The following FRMD4A variants were observed in gnomAD, a reference collection of about 807,000 sequenced individuals.
The protein encoded by FRMD4A is FERM domain-containing protein 4A.
A neutral mutation model predicts 129.1 loss-of-function variants in FRMD4A; 29 were observed. The ratio of observed to expected loss-of-function variants is 0.22; its 90% CI spans 0.17 to 0.31. The LOEUF is 0.31. FRMD4A is among the 10% of genes least tolerant of loss of function. FRMD4A has a pLI of 1.00. For synonymous variants in FRMD4A, 634 were observed against 571.6 expected (o/e 1.11, Z -1.56); for missense variants, 1,272 against 1,375.8 (o/e 0.92, Z 1.19).
intron 2 of FRMD4A, among the ~76,000 whole-genome samples, chr10:14,015,469 C>G (rs903710853): frequency 6.6e-6 from 1 of 151,132 alleles, no homozygotes; most frequent in Non-Finnish European, 1.5e-5. Context: ...GCAGTCTAGG[C>G]TTCATTTAAT....
At chr10:14,091,372 G>GT (rs1371228301) in intron 2 of FRMD4A, among the ~76,000 whole-genome samples, 8 of 151,836 alleles carry the variant, frequency 5.3e-5, no homozygotes, top group African/African-American at 1.7e-4. Context: ...GTGTATAAAG[G>GT]TTTTTTTTAA....
At chr10:13,762,098 G>A (rs2092097401) in intron 7 of FRMD4A, among the ~76,000 whole-genome samples, 1 of 152,184 alleles carries the variant, frequency 6.6e-6, no homozygotes, top group Admixed American at 6.5e-5. Flanking sequence ...AGTGAATCCA[G>A]TATAATGCCC....
intron 2 of FRMD4A, among the ~76,000 whole-genome samples, chr10:13,992,918 A>C (rs1290150605): frequency 7.8e-6 from 1 of 127,914 alleles, no homozygotes; most frequent in African/African-American, 2.9e-5. Flanking sequence ...GTGCCATTGC[A>C]CTCCAGCCTG....
At chr10:14,317,035 A>G (rs1222596609) in intron 2 of FRMD4A, among the ~76,000 whole-genome samples, 5 of 152,148 alleles carry the variant, frequency 3.3e-5, no homozygotes, top group Non-Finnish European at 5.9e-5. Context: ...CAATTGTATG[A>G]CTTTAATATC....
At chr10:14,170,926 A>G (rs11258911) in intron 2 of FRMD4A, among the ~76,000 whole-genome samples, 2,007 of 152,112 alleles carry the variant, frequency 0.013, 38 homozygotes, top group East Asian at 0.073. Flanking sequence ...AAAAGTAAAG[A>G]CTTGGCCTGA....
intron 15 of FRMD4A, chr10:13,684,551 T>G: frequency 1.0e-6 from 1 of 985,336 alleles, no homozygotes; most frequent in Non-Finnish European, 1.2e-6. Context: ...GGCAGACACA[T>G]GGAAGGACAG....
chr10:13,717,723 G>GT (rs1163020915), intron 12 of FRMD4A, among the ~76,000 whole-genome samples: 2 of 145,840 alleles, frequency 1.4e-5, no homozygotes, highest in Non-Finnish European at 3.0e-5. Context: ...AGGGGTGGCG[G>GT]GGGGGGTTGG....
At chr10:13,850,167 C>T (rs1390100393) in intron 3 of FRMD4A, among the ~76,000 whole-genome samples, 1 of 152,042 alleles carries the variant, frequency 6.6e-6, no homozygotes, top group Non-Finnish European at 1.5e-5. Context: ...CGAGATTACA[C>T]CACTGCACCC....
chr10:14,207,686 C>CCACACA (rs56740311), intron 2 of FRMD4A, among the ~76,000 whole-genome samples: 32,114 of 145,766 alleles, frequency 0.22, 3,592 homozygotes, highest in Admixed American at 0.31. Context: ...TCCTAGGTAA[C>CCACACA]CACACACACA....
chr10:13,937,605 A>G (rs554922116), intron 2 of FRMD4A, among the ~76,000 whole-genome samples: 7 of 152,178 alleles, frequency 4.6e-5, no homozygotes, highest in South Asian at 2.1e-4. Context: ...AGTGATGTTC[A>G]TTATCCTTCG....
intron 2 of FRMD4A, among the ~76,000 whole-genome samples, chr10:13,882,707 C>T (rs2094560885): frequency 1.3e-5 from 2 of 152,272 alleles, no homozygotes; most frequent in South Asian, 4.1e-4. Context: ...AGCCACGATA[C>T]TTGAGTTCCT....
chr10:14,272,529 A>G (rs1306948721), intron 2 of FRMD4A, among the ~76,000 whole-genome samples: 1 of 152,114 alleles, frequency 6.6e-6, no homozygotes, highest in African/African-American at 2.4e-5. Context: ...TCTATTACCA[A>G]CCTGACATTT....
intron 16 of FRMD4A, among the ~76,000 whole-genome samples, chr10:13,671,380 G>A (rs972412222): frequency 6.6e-6 from 1 of 152,140 alleles, no homozygotes; most frequent in African/African-American, 2.4e-5. Flanking sequence ...CTTGAACCCG[G>A]GAGGCGGAGG....
At chr10:14,215,716 C>G (rs1362230191) in intron 2 of FRMD4A, among the ~76,000 whole-genome samples, 3 of 151,876 alleles carry the variant, frequency 2.0e-5, no homozygotes, top group Non-Finnish European at 4.4e-5. Context: ...TGGGGGAAGC[C>G]TAGAGAGAAT....
intron 4 of FRMD4A, among the ~76,000 whole-genome samples, chr10:13,799,099 C>A (rs769926368): frequency 3.9e-5 from 6 of 152,248 alleles, no homozygotes; most frequent in Non-Finnish European, 7.3e-5. Context: ...CCCATTTCTG[C>A]ACTTCCCAGT....
At chr10:14,214,705 G>C (rs1435585606) in intron 2 of FRMD4A, among the ~76,000 whole-genome samples, 1 of 152,060 alleles carries the variant, frequency 6.6e-6, no homozygotes, top group Non-Finnish European at 1.5e-5. Flanking sequence ...AGATAATCTT[G>C]TGTTTGATAT....
At chr10:13,966,396 G>A (rs537988716) in intron 2 of FRMD4A, among the ~76,000 whole-genome samples, 1 of 152,260 alleles carries the variant, frequency 6.6e-6, no homozygotes, top group South Asian at 2.1e-4. Context: ...AAAAGTAATG[G>A]CAAACCCGCA....
chr10:13,761,930 A>G (rs1041670655), intron 7 of FRMD4A, among the ~76,000 whole-genome samples: 2 of 152,330 alleles, frequency 1.3e-5, no homozygotes, highest in Non-Finnish European at 1.5e-5. Context: ...CTCCACCTCT[A>G]AGCCTGGGTC....
chr10:13,663,473 T>C lies in FRMD4A; in HGVS notation c.1640A>G (p.Asp547Gly), dbSNP rs2082790327. 6.4e-7 allele frequency: 1 copy of C among 1,559,764 alleles called. No homozygotes were observed. The highest frequency in any genetic ancestry group is 1.1e-5 in the South Asian group (1 of 90,004). ...CCTACCATCCTCAAGAACAAGGGCA[T>C]CTGAGAGGGAGCTGTCTTCACTGGC... Reference protein sequence around the residue: ...NIASEDSSLSDALVLEDEDSQ... With the variant: ...NIASEDSSLSGALVLEDEDSQ... Residue 547 changes from aspartate (D) to glycine (G), a missense_variant, in exon 19 of 25, where the codon GAT (aspartate) becomes GGT (glycine). By Grantham distance (94) the Asp-to-Gly change is moderately conservative (BLOSUM62 -1). Around this residue, in one of 2 missense-constraint regions of FRMD4A, gnomAD observed 972 missense variants for 892.3 expected, o/e 1.09. Coordinates refer to ENST00000357447, the MANE Select transcript of FRMD4A (RefSeq NM_018027.5).
Sources: gnomAD v4.1 joint callset for allele counts (sites outside exome capture counted in the v4.1 genomes callset) on GRCh38, gnomAD v4.1.1 for gene constraint, gnomAD v4.1.1 regional missense constraint, MANE v1.5 for transcripts, NCBI Gene and HGNC (gene_info 2026-07-23, HGNC 2026-07-21) for gene names.